Variants in GLIS3 observed in about 807,000 individuals in gnomAD.
The protein encoded by GLIS3 is GLIS family zinc finger 3.
GLIS3 carries 53 observed loss-of-function variants against 78.6 expected under a neutral mutation model. The ratio of observed to expected loss-of-function variants is 0.67; its 90% CI spans 0.54 to 0.85. The LOEUF (loss-of-function observed/expected upper bound fraction) is 0.85. Ranked by LOEUF, GLIS3 falls within the 40% of genes least tolerant of loss-of-function variation. The pLI, the probability that GLIS3 is intolerant of heterozygous loss-of-function variation, is 0.00. For synonymous variants in GLIS3, 684 were observed against 509.9 expected (o/e 1.34, Z -4.60); for missense variants, 1,703 against 1,231.1 (o/e 1.38, Z -5.74).
chr9:4,035,994 C>G (rs1824265504), intron 4 of GLIS3: 1 of 152,302 alleles, frequency 6.6e-6, no homozygotes, highest in Non-Finnish European at 1.5e-5. Context: ...GCTCCTATAC[C>G]AGATGACTTG....
the GLIS3 span, among the ~76,000 whole-genome samples, chr9:4,405,915 A>G: frequency 6.6e-6 from 1 of 152,240 alleles, no homozygotes; most frequent in Non-Finnish European, 1.5e-5. Flanking sequence ...ATGGTTCAAC[A>G]TACGTCCATC....
intron 2 of GLIS3, among the ~76,000 whole-genome samples, chr9:4,279,284 C>G (rs1310771619): frequency 9.5e-6 from 1 of 104,728 alleles, no homozygotes; most frequent in Non-Finnish European, 1.8e-5. Context: ...GGCAACAGAG[C>G]AAGACTCCAT....
intron 2 of GLIS3, among the ~76,000 whole-genome samples, chr9:4,186,058 G>C (rs1817761602): frequency 6.6e-6 from 1 of 151,778 alleles, no homozygotes; most frequent in Middle Eastern, 3.4e-3. Context: ...ATGCAGGTTA[G>C]TTACATATGT....
At chr9:4,456,087 G>A in the GLIS3 span, among the ~76,000 whole-genome samples, 2 of 151,962 alleles carry the variant, frequency 1.3e-5, no homozygotes, top group African/African-American at 2.4e-5. Context: ...CAGCCTGGGC[G>A]ACAGAGTGAG....
In GLIS3 at chr9:4,275,603, TA is replaced by T. The variant is rs535182029; in HGVS notation, c.388+10434del. 2.6e-3 allele frequency among the ~76,000 whole-genome samples: 357 copies of T among 139,226 alleles called. 1 individual carries two copies. The highest frequency in any genetic ancestry group is 0.011 in the East Asian group (54 of 4,720). The allele number at this position is 139,226 out of a possible 152,430, so 91.3% of individuals were successfully genotyped here. Reference sequence around the variant, plus strand: ...AACAAGATCCCATCTCTACAAAAATTAAAAAAAAAAAAAGCCAGGTGTGGTG... The same window carrying T: ...AACAAGATCCCATCTCTACAAAAATTAAAAAAAAAAAAGCCAGGTGTGGTG... On this transcript the variant is annotated intron_variant, in intron 2 of 10. Transcript: ENST00000381971.
At chr9:4,070,616 G>A (rs1055845153) in intron 4 of GLIS3, among the ~76,000 whole-genome samples, 15 of 152,138 alleles carry the variant, frequency 9.9e-5, no homozygotes, top group African/African-American at 3.4e-4. Context: ...ATGTATGTGT[G>A]TGTATATGTA....
At chr9:4,186,823 A>G (rs200114320) in intron 2 of GLIS3, among the ~76,000 whole-genome samples, 1 of 151,690 alleles carries the variant, frequency 6.6e-6, no homozygotes, top group Non-Finnish European at 1.5e-5. Flanking sequence ...GTTCATATCC[A>G]TTGCCCACTT....
At chr9:4,468,700 C>A in the GLIS3 span, among the ~76,000 whole-genome samples, 1 of 152,120 alleles carries the variant, frequency 6.6e-6, no homozygotes, top group Non-Finnish European at 1.5e-5. Flanking sequence ...TTGTAAAGAC[C>A]ACTAATGCTA....
chr9:4,037,004 G>A (rs566392364), intron 4 of GLIS3, among the ~76,000 whole-genome samples: 6 of 152,260 alleles, frequency 3.9e-5, no homozygotes, highest in Middle Eastern at 6.8e-3. Context: ...GCTGAAGACA[G>A]GGGTGTCCAT....
At chr9:4,000,230 GAAGA>G (rs1316394479) in intron 4 of GLIS3, among the ~76,000 whole-genome samples, 10 of 152,150 alleles carry the variant, frequency 6.6e-5, no homozygotes, top group Admixed American at 6.5e-4. Context: ...GGAAATCACA[GAAGA>G]AATATATTTA....
At chr9:4,007,487 A>T (rs1171367288) in intron 4 of GLIS3, among the ~76,000 whole-genome samples, 1 of 152,130 alleles carries the variant, frequency 6.6e-6, no homozygotes, top group Non-Finnish European at 1.5e-5. Context: ...GAGATGTATC[A>T]ATCTTTGCTA....
intron 6 of GLIS3, among the ~76,000 whole-genome samples, chr9:3,905,357 T>C (rs2130646905): frequency 6.6e-6 from 1 of 152,148 alleles, no homozygotes; most frequent in East Asian, 1.9e-4. Flanking sequence ...AGAACCTGGG[T>C]AGCCAAGTTC....
At chr9:4,150,264 T>G (rs575690058) in intron 2 of GLIS3, among the ~76,000 whole-genome samples, 2 of 152,324 alleles carry the variant, frequency 1.3e-5, no homozygotes, top group South Asian at 4.1e-4. Flanking sequence ...AACTTTGATC[T>G]TACACAACTG....
rs147381678 is a variant in GLIS3 at position 4,341,969 on chromosome 9, C to T, written n.264+5112G>A. Among the ~76,000 whole-genome samples, 726 of 145,198 alleles carry T rather than the reference C, an allele frequency of 5.0e-3. 9 individuals are homozygous for T. The highest frequency in any genetic ancestry group is 0.02 in the African/African-American group (688 of 35,170). ...ATGTATGTTTTTGCTTGTTAATTTGCTTAAGTTCCTTGTGGATTCTGGATA... is the reference window on the plus strand; with the variant it reads ...ATGTATGTTTTTGCTTGTTAATTTGTTTAAGTTCCTTGTGGATTCTGGATA... On this transcript the variant is annotated intron_variant and non_coding_transcript_variant, in intron 2 of 4. Transcript: ENST00000471664.
At chr9:4,298,071 A>G (rs1412352909) in intron 1 of GLIS3, among the ~76,000 whole-genome samples, 1 of 152,122 alleles carries the variant, frequency 6.6e-6, no homozygotes, top group African/African-American at 2.4e-5. Context: ...AACGCAGCGC[A>G]ACAAAACAAA....
chr9:3,932,267 A>G (rs752631105), intron 6 of GLIS3, 93 bp downstream of exon 6: 11 of 926,710 alleles, frequency 1.2e-5, no homozygotes, highest in Non-Finnish European at 1.8e-5. Context: ...CATGAGAAGT[A>G]TAAGAATTTC....
chr9:4,204,552 A>G (rs937920733), intron 2 of GLIS3, among the ~76,000 whole-genome samples: 2 of 152,160 alleles, frequency 1.3e-5, no homozygotes, highest in Non-Finnish European at 2.9e-5. Flanking sequence ...ACAGTCCAAG[A>G]AAAATGCAGA....
intron 4 of GLIS3, among the ~76,000 whole-genome samples, chr9:3,984,079 T>C (rs1401090376): frequency 6.6e-6 from 1 of 152,220 alleles, no homozygotes; most frequent in Non-Finnish European, 1.5e-5. Context: ...GGACTGTGTG[T>C]GCTGTGTGCA....
At chr9:4,059,092 T>G (rs150060234) in intron 4 of GLIS3, among the ~76,000 whole-genome samples, 225 of 152,308 alleles carry the variant, frequency 1.5e-3, no homozygotes, top group African/African-American at 5.2e-3. Flanking sequence ...GATCTAGGTC[T>G]GAGTGTTACT....
Sources: allele counts gnomAD v4.1 joint callset (sites outside exome capture counted in the v4.1 genomes callset), GRCh38; gene constraint gnomAD v4.1.1; transcripts MANE v1.5; gene names NCBI Gene and HGNC (gene_info 2026-07-23, HGNC 2026-07-21).